Variants in PIEZO2 observed in about 807,000 individuals in gnomAD.
PIEZO2 encodes piezo type mechanosensitive ion channel component 2, also known as piezo-type mechanosensitive ion channel component 2.
In PIEZO2, 172 loss-of-function variants were observed where a neutral mutation model predicts 337.3. The ratio of observed to expected loss-of-function variants is 0.51; its 90% CI spans 0.45 to 0.58. The LOEUF (loss-of-function observed/expected upper bound fraction) is 0.58, where lower values mean the gene tolerates loss of function less well. PIEZO2 is among the 20% of genes least tolerant of loss of function. PIEZO2 has a pLI of 0.00. For missense variants in PIEZO2, 3,028 were observed against 3,391.3 expected (o/e 0.89, Z 2.66); for synonymous variants, 1,251 against 1,228.5 (o/e 1.02, Z -0.38).
rs73943075 is a variant in PIEZO2 at position 10,934,364 on chromosome 18, C to T, written c.287-23136G>A. 3.3e-3 allele frequency among the ~76,000 whole-genome samples: 509 copies of T among 152,258 alleles called. 2 individuals are homozygous for T. Among genetic ancestry groups the T allele is most frequent in the African/African-American group, 0.011 (470 of 41,560 alleles). ...TCATCACCAGGCGCAGAAGCAGGTC[C>T]ATGACTGTGTTCAGGCCCTGCAGCT... On this transcript the variant is annotated intron_variant, in intron 3 of 55. Coordinates refer to ENST00000674853, the MANE Select transcript of PIEZO2 (RefSeq NM_001378183.1).
At chr18:10,865,967 A>G (rs1173680528) in intron 5 of PIEZO2, among the ~76,000 whole-genome samples, 1 of 152,238 alleles carries the variant, frequency 6.6e-6, no homozygotes, top group Non-Finnish European at 1.5e-5. Flanking sequence ...CAAATGCTGC[A>G]AAGACAGAAC....
At chr18:10,777,056 G>A (rs1392178900) in intron 18 of PIEZO2, among the ~76,000 whole-genome samples, 1 of 152,094 alleles carries the variant, frequency 6.6e-6, no homozygotes, top group African/African-American at 2.4e-5. Flanking sequence ...CAAATAATAC[G>A]CATGATGATG....
intron 1 of PIEZO2, among the ~76,000 whole-genome samples, chr18:11,145,785 T>A (rs544322044): frequency 1.3e-5 from 2 of 152,178 alleles, no homozygotes; most frequent in African/African-American, 2.4e-5. Flanking sequence ...GATTAGAAGA[T>A]GTCAATAATT....
Position 10,713,837 on chromosome 18 carries a change from C to T in PIEZO2, c.5423+927G>A, listed in dbSNP as rs761478392. On this transcript the variant is annotated intron_variant, in intron 39 of 55. Coordinates refer to ENST00000674853, the MANE Select transcript of PIEZO2 (RefSeq NM_001378183.1). The surrounding 1 kb of genome is among the most constrained non-coding windows in gnomAD (Gnocchi z 4.5). ...CATTTGGTCTAGCGCTTCACCCTAA[C>T]AAGGCGATTTTTCCTCCTAAGACAG... 2.6e-5 allele frequency among the ~76,000 whole-genome samples: 4 copies of T among 152,204 alleles called. No individual in the cohort carries two copies. The highest frequency in any genetic ancestry group is 5.9e-5 in the Non-Finnish European group (4 of 68,034).
chr18:11,054,020 T>A (rs899685480), intron 2 of PIEZO2, among the ~76,000 whole-genome samples: 9 of 152,176 alleles, frequency 5.9e-5, no homozygotes, highest in Admixed American at 5.9e-4. Context: ...TGAAACCCCA[T>A]CTCAAAATAA....
intron 3 of PIEZO2, among the ~76,000 whole-genome samples, chr18:10,970,414 C>A (rs1002678413): frequency 2.6e-5 from 4 of 152,212 alleles, no homozygotes; most frequent in African/African-American, 9.6e-5. Context: ...CACACGGGTG[C>A]CCAGGGCCCC....
chr18:10,680,821 G>T (rs756800249), intron 51 of PIEZO2, among the ~76,000 whole-genome samples: 1 of 152,074 alleles, frequency 6.6e-6, no homozygotes, highest in African/African-American at 2.4e-5. Context: ...TAATTTTACA[G>T]AAGAAAGAAG....
intron 4 of PIEZO2, among the ~76,000 whole-genome samples, chr18:10,881,795 T>A (rs1338352669): frequency 6.6e-6 from 1 of 152,176 alleles, no homozygotes; most frequent in Non-Finnish European, 1.5e-5. Context: ...TGTGACTCTC[T>A]TAGATAAGTC....
chr18:10,926,150 G>A (rs527928588), intron 3 of PIEZO2, among the ~76,000 whole-genome samples: 4 of 152,302 alleles, frequency 2.6e-5, no homozygotes, highest in African/African-American at 9.6e-5. Context: ...CTTGAGTCAG[G>A]GTGCAGGAGG....
At chr18:11,062,550 A>T (rs1355514199) in intron 2 of PIEZO2, among the ~76,000 whole-genome samples, 1 of 152,212 alleles carries the variant, frequency 6.6e-6, no homozygotes, top group Non-Finnish European at 1.5e-5. Flanking sequence ...AATGAACCCA[A>T]ACAAATTTAC....
intron 4 of PIEZO2, among the ~76,000 whole-genome samples, chr18:10,887,020 G>A (rs928253589): frequency 6.6e-6 from 1 of 151,430 alleles, no homozygotes; most frequent in African/African-American, 2.4e-5. Context: ...CCCAGAGCAG[G>A]AGCAAGAGAG....
At chr18:10,825,936 A>G (rs2040663580) in intron 7 of PIEZO2, among the ~76,000 whole-genome samples, 1 of 152,156 alleles carries the variant, frequency 6.6e-6, no homozygotes, top group Non-Finnish European at 1.5e-5. Context: ...ATTATTCTGA[A>G]TTCTTCCATT....
chr18:10,842,549 C>T (rs186329097), intron 7 of PIEZO2, among the ~76,000 whole-genome samples: 38 of 152,314 alleles, frequency 2.5e-4, no homozygotes, highest in Non-Finnish European at 4.7e-4. Flanking sequence ...CACTGGCTCC[C>T]CTTCAACTTC....
At chr18:10,880,439 C>G (rs2042380660) in intron 4 of PIEZO2, among the ~76,000 whole-genome samples, 1 of 152,032 alleles carries the variant, frequency 6.6e-6, no homozygotes, top group African/African-American at 2.4e-5. Flanking sequence ...AATAAGGCAG[C>G]AATGAAATTT....
At chr18:10,763,422 G>T in intron 21 of PIEZO2, 1 of 258,468 alleles carries the variant, frequency 3.9e-6, no homozygotes, top group Non-Finnish European at 7.3e-6. Context: ...AGGTCAGGAA[G>T]CACTTTCAAG....
chr18:11,093,527 G>A (rs771683300), intron 1 of PIEZO2, among the ~76,000 whole-genome samples: 7 of 149,420 alleles, frequency 4.7e-5, no homozygotes, highest in Admixed American at 1.3e-4. Context: ...AAATTTTGAC[G>A]TGTCGAAAGA....
At chr18:11,005,373 T>C (rs1297222726) in intron 2 of PIEZO2, among the ~76,000 whole-genome samples, 1 of 152,244 alleles carries the variant, frequency 6.6e-6, no homozygotes, top group Non-Finnish European at 1.5e-5. Context: ...TGTCTTTTAT[T>C]TTTTTCCTTT....
Position 10,724,657 on chromosome 18 carries a change from C to A in PIEZO2, c.5030-6398G>T. ...GGGGTCTCAGGCGTATGATCAGGCA[C>A]CCACCAGCCCACCTACCAGTCTGCT... On this transcript the variant is annotated intron_variant, in intron 36 of 55. Transcript: ENST00000674853. The surrounding 1 kb of genome is among the most constrained non-coding windows in gnomAD (Gnocchi z 5.8). 1 of 821,652 alleles carries A rather than the reference C, an allele frequency of 1.2e-6. No homozygotes were observed. Among genetic ancestry groups the A allele is most frequent in the Non-Finnish European group, 2.0e-6 (1 of 505,846 alleles). 50.9% of individuals were successfully genotyped at this position (821,652 alleles called of 1,614,324 possible).
intron 4 of PIEZO2, among the ~76,000 whole-genome samples, chr18:10,892,277 A>G (rs1279339283): frequency 2.6e-5 from 4 of 152,202 alleles, no homozygotes; most frequent in Admixed American, 6.5e-5. Context: ...TGTATTATTT[A>G]TAAATAAAAA....
Sources: allele counts gnomAD v4.1 joint callset (sites outside exome capture counted in the v4.1 genomes callset), GRCh38; gene constraint gnomAD v4.1.1; non-coding constraint Gnocchi (gnomAD v3.1); transcripts MANE v1.5; gene names NCBI Gene and HGNC (gene_info 2026-07-23, HGNC 2026-07-21).